Variants in DDR2 observed in about 807,000 individuals in gnomAD.
DDR2 encodes discoidin domain receptor tyrosine kinase 2.
In DDR2, 27 loss-of-function variants were observed where a neutral mutation model predicts 94.9. The observed-to-expected ratio is 0.28, with a 90% CI of 0.21 to 0.39. The LOEUF (loss-of-function observed/expected upper bound fraction) is 0.39, where lower values mean the gene tolerates loss of function less well. DDR2 is among the 10% of genes least tolerant of loss of function. DDR2 has a pLI of 1.00. For missense variants in DDR2, 783 were observed against 1,076.0 expected (o/e 0.73, Z 3.81); for synonymous variants, 382 against 377.2 (o/e 1.01, Z -0.15).
intron 1 of DDR2, among the ~76,000 whole-genome samples, chr1:162,642,454 T>G (rs1317112941): frequency 3.3e-5 from 5 of 151,310 alleles, no homozygotes; most frequent in Non-Finnish European, 7.4e-5. Flanking sequence ...CTGTGTTTTT[T>G]TTTTTTTTTT....
At chr1:162,745,090 AGTGATGTT>A (rs563169190) in intron 3 of DDR2, among the ~76,000 whole-genome samples, 129 of 152,344 alleles carry the variant, frequency 8.5e-4, no homozygotes, top group Admixed American at 2.2e-3. Context: ...CCTAATGATT[AGTGATGTT>A]GAACACCTTT....
At chr1:162,696,756 C>G (rs1660212262) in intron 2 of DDR2, among the ~76,000 whole-genome samples, 1 of 152,144 alleles carries the variant, frequency 6.6e-6, no homozygotes, top group African/African-American at 2.4e-5. Context: ...CCCAACTCTT[C>G]CTGCTGAAAT....
At chr1:162,674,842 T>G (rs1659049739) in intron 2 of DDR2, among the ~76,000 whole-genome samples, 1 of 152,106 alleles carries the variant, frequency 6.6e-6, no homozygotes, top group Admixed American at 6.6e-5. Context: ...ACAACTAAAT[T>G]TTCATGATTT....
intron 2 of DDR2, among the ~76,000 whole-genome samples, chr1:162,675,849 G>C (rs922932293): frequency 1.3e-5 from 2 of 152,162 alleles, no homozygotes; most frequent in African/African-American, 4.8e-5. Flanking sequence ...CAGACAGGAA[G>C]GGTAACTGAA....
chr1:162,646,209 A>T (rs1216044869), intron 1 of DDR2, among the ~76,000 whole-genome samples: 1 of 152,224 alleles, frequency 6.6e-6, no homozygotes, highest in Non-Finnish European at 1.5e-5. Flanking sequence ...ATTATAATCG[A>T]AGACAGAAAA....
chr1:162,638,690 T>C (rs923713904), intron 1 of DDR2, among the ~76,000 whole-genome samples: 3 of 152,206 alleles, frequency 2.0e-5, no homozygotes, highest in African/African-American at 7.2e-5. Flanking sequence ...CAAAAGCTAC[T>C]GGCACTTGTC....
chr1:162,702,318 TC>T, intron 2 of DDR2, among the ~76,000 whole-genome samples: 1 of 152,160 alleles, frequency 6.6e-6, no homozygotes, highest in East Asian at 1.9e-4. Flanking sequence ...AGAAAAGGTA[TC>T]TTTTACCTTC....
chr1:162,701,680 T>C (rs1045362265), intron 2 of DDR2, among the ~76,000 whole-genome samples: 1 of 152,242 alleles, frequency 6.6e-6, no homozygotes, highest in Non-Finnish European at 1.5e-5. Context: ...AGTCAGCCTC[T>C]ACTTGAATAT....
At chr1:162,777,396 C>A (rs1029657112) in intron 16 of DDR2, among the ~76,000 whole-genome samples, 4 of 151,840 alleles carry the variant, frequency 2.6e-5, no homozygotes, top group Non-Finnish European at 4.4e-5. Context: ...TAGATATATA[C>A]TATAACTTAA....
chr1:162,768,371 C>T (rs1664102901), intron 11 of DDR2, among the ~76,000 whole-genome samples: 1 of 152,136 alleles, frequency 6.6e-6, no homozygotes, highest in Non-Finnish European at 1.5e-5. Context: ...TAGTTCCTCT[C>T]AATAGACATG....
intron 1 of DDR2, among the ~76,000 whole-genome samples, chr1:162,643,923 A>G (rs1350832061): frequency 6.6e-6 from 1 of 152,142 alleles, no homozygotes; most frequent in African/African-American, 2.4e-5. Flanking sequence ...AAATTGGAAA[A>G]AGAGAGTCTG....
chr1:162,777,582 T>C (rs2102202918), intron 16 of DDR2: 1 of 152,314 alleles, frequency 6.6e-6, no homozygotes, highest in Non-Finnish European at 1.5e-5. Context: ...TCCCTAAAGG[T>C]ATTATATGGT....
At chr1:162,770,723 G>A in intron 12 of DDR2, 1 of 696,756 alleles carries the variant, frequency 1.4e-6, no homozygotes. Context: ...ATGTGTGGAG[G>A]GACCCACATA....
At chr1:162,690,989 T>C (rs1462092708) in intron 2 of DDR2, among the ~76,000 whole-genome samples, 4 of 152,222 alleles carry the variant, frequency 2.6e-5, no homozygotes, top group Non-Finnish European at 5.9e-5. Context: ...GATAAAACTT[T>C]ACTCATTCCT....
chr1:162,772,445 T>A (rs1486540655), intron 13 of DDR2, 198 bp downstream of exon 13: 1 of 630,634 alleles, frequency 1.6e-6, no homozygotes, highest in Admixed American at 2.7e-5. Flanking sequence ...CTGGGACTTC[T>A]GATTTCTATA....
At position 162,685,002 on chromosome 1, in the gene DDR2, G is replaced by A. The variant is rs528411896; in HGVS notation, c.-28+29628G>A. Among the ~76,000 whole-genome samples the A allele has an allele frequency of 1.2e-3, 182 of 152,228 alleles. 2 individuals are homozygous for A. The highest frequency in any genetic ancestry group is 1.3e-3 in the Non-Finnish European group (86 of 68,016). ...GGACACAAGAACTTTTCCCTCTCGG[G>A]CTAGTGAGATAGTACGGCCTAGTGG... On this transcript the variant is annotated intron_variant, in intron 2 of 17. Transcript: ENST00000367921.
chr1:162,731,306 A>G (rs1052363461), intron 3 of DDR2, among the ~76,000 whole-genome samples: 1 of 152,204 alleles, frequency 6.6e-6, no homozygotes, highest in Admixed American at 6.5e-5. Flanking sequence ...AGTGGTATAG[A>G]ACCAAATGTA....
chr1:162,680,783 A>T (rs1459379799), intron 2 of DDR2, among the ~76,000 whole-genome samples: 1 of 152,238 alleles, frequency 6.6e-6, no homozygotes, highest in Non-Finnish European at 1.5e-5. Context: ...GGGGAGAGGG[A>T]GAGGACTTTA....
Position 162,632,518 on chromosome 1 carries a change from C to T in DDR2, c.-305C>T, listed in dbSNP as rs1346149125. 2.6e-5 allele frequency: 4 copies of T among 152,184 alleles called. No individual in the cohort carries two copies. The highest frequency in any genetic ancestry group is 5.9e-5 in the Non-Finnish European group (4 of 68,028). 9.4% of individuals were successfully genotyped at this position (152,184 alleles called of 1,614,324 possible). On this transcript the variant is annotated 5_prime_UTR_variant, in exon 1 of 18. It introduces an in-frame stop codon into an upstream open reading frame of the 5' UTR. Transcript: ENST00000367921. ...TATGCCTACCACCGGGCTCCTTCAC[C>T]AGCAAAGTGGAAAAAGAAGCGTTTC...
Sources: gnomAD v4.1 joint callset for allele counts (sites outside exome capture counted in the v4.1 genomes callset) on GRCh38, gnomAD v4.1.1 for gene constraint, MANE v1.5 for transcripts, NCBI Gene and HGNC (gene_info 2026-07-23, HGNC 2026-07-21) for gene names.